The following RETSAT variants were observed in gnomAD, a reference collection of about 807,000 sequenced individuals.
RETSAT encodes the protein all-trans-retinol 13,14-reductase.
RETSAT carries 35 observed loss-of-function variants against 61.6 expected under a neutral mutation model. The ratio of observed to expected loss-of-function variants is 0.57; its 90% CI spans 0.43 to 0.75. The LOEUF (loss-of-function observed/expected upper bound fraction) is 0.75. RETSAT is among the 30% of genes least tolerant of loss of function. RETSAT has a pLI of 0.00. For missense variants in RETSAT, 670 were observed against 759.5 expected, an observed-to-expected ratio of 0.88 and a Z score of 1.38; for synonymous variants, 277 against 310.4, an observed-to-expected ratio of 0.89 and a Z score of 1.13.
intron 6 of RETSAT, chr2:85,345,728 T>C (rs1374547930): frequency 3.2e-6 from 2 of 621,892 alleles, no homozygotes; most frequent in Non-Finnish European, 5.9e-6. Context: ...CCAGCTACTC[T>C]GCTCAGCCCT....
At chr2:85,346,166 A>T (rs562876466) in intron 5 of RETSAT, 72 bp from the exon 6 acceptor site, 2 of 1,555,228 alleles carry the variant, frequency 1.3e-6, no homozygotes, top group Non-Finnish European at 1.7e-6. Context: ...GCCCCCATGG[A>T]TCTCTCTCTG....
chr2:85,343,345 AG>A lies in RETSAT; in HGVS notation c.1729del (p.Leu577CysfsTer12), dbSNP rs769675832. 139 of 1,614,092 alleles carry A rather than the reference AG, an allele frequency of 8.6e-5. No homozygotes were observed. The highest frequency in any genetic ancestry group is 1.1e-4 in the Non-Finnish European group (134 of 1,180,044). On this transcript the variant is annotated frameshift_variant, in exon 11 of 11. Coordinates refer to ENST00000295802, the MANE Select transcript of RETSAT (RefSeq NM_017750.4). LOFTEE classifies it high-confidence loss of function. Reference protein sequence around the residue: ...DIFTCGLVGALQGALLCSSAI... With the variant: ...DIFTCGLVGAXQGALLCSSAI... ...GCTGCTGCACAGCAGGGCACCTTGC[AG>A]GGCCCCGACCAGTCCACAGGTGAAG...
intron 5 of RETSAT, among the ~76,000 whole-genome samples, chr2:85,348,166 C>T (rs558176187): frequency 1.3e-4 from 20 of 152,250 alleles, no homozygotes; most frequent in East Asian, 9.6e-4. Context: ...AGGGTAATAA[C>T]GTTCTGGGCC....
Position 85,345,964 on chromosome 2 carries a change from C to T in RETSAT, c.1117+11G>A, listed in dbSNP as rs753609671. The stretch of plus-strand genomic sequence containing the variant: ...AACCTGCAAGAGGGGCAGTGCAGAC[C>T]CGCCTTTTACCTGGCAGGCAGCGGG... On this transcript the variant is annotated intron_variant, in intron 6 of 10. Coordinates refer to ENST00000295802, the MANE Select transcript of RETSAT (RefSeq NM_017750.4). 1.2e-6 allele frequency: 2 copies of T among 1,614,164 alleles called. No homozygotes were observed. Among genetic ancestry groups the T allele is most frequent in the South Asian group, 1.1e-5 (1 of 91,088 alleles).
chr2:85,354,444 A>T lies in RETSAT; in HGVS notation c.64T>A (p.Leu22Met). The T allele has an allele frequency of 6.2e-7, 1 of 1,614,208 alleles. No homozygotes were observed. The highest frequency in any genetic ancestry group is 8.5e-7 in the Non-Finnish European group (1 of 1,180,030). Residue 22 changes from leucine (L) to methionine (M), a missense_variant, in exon 1 of 11, where the codon TTG becomes ATG. Transcript: ENST00000295802. ...LLLAVLCKVY[L>M]GLFSGSSPNP... is the part of the protein sequence containing the mutation. ...GGGGAGCTGCCAGAGAATAGTCCCA[A>T]GTAAACTTTGCAGAGGACGGCCAGC...
chr2:85,342,150 A>T lies in RETSAT; in HGVS notation c.*1092T>A. Reference sequence around the variant, plus strand: ...AATGTTACATTAACACGAACTACAAAGAGACCTTTCGTATGTCTGATACCA... The same window carrying T: ...AATGTTACATTAACACGAACTACAATGAGACCTTTCGTATGTCTGATACCA... On this transcript the variant is annotated 3_prime_UTR_variant, in exon 11 of 11. Coordinates refer to ENST00000295802, the MANE Select transcript of RETSAT (RefSeq NM_017750.4). 4.1e-6 allele frequency: 1 copy of T among 245,306 alleles called. No individual in the cohort carries two copies. Among genetic ancestry groups the T allele is most frequent in the Non-Finnish European group, 7.9e-6 (1 of 127,264 alleles). The allele number at this position is 245,306 out of a possible 1,614,324, so 15.2% of individuals were successfully genotyped here. A position where few individuals can be genotyped will look rare whatever the true frequency, so the allele number is the denominator to read the frequency against.
chr2:85,351,415 A>T, intron 2 of RETSAT: 1 of 457,700 alleles, frequency 2.2e-6, no homozygotes, highest in Non-Finnish European at 3.9e-6. Flanking sequence ...GGGATTACTG[A>T]GTGTAATCCC....
chr2:85,346,259 G>A (rs908305), intron 5 of RETSAT, among the ~76,000 whole-genome samples, 165 bp from the exon 6 acceptor site: 5,097 of 152,236 alleles, frequency 0.033, 227 homozygotes, highest in African/African-American at 0.1. Context: ...CAGTGAGTGA[G>A]TATCTTCAGG....
At position 85,350,806 on chromosome 2, in the gene RETSAT, T is replaced by TG. The variant is rs745679127; in HGVS notation, c.570dup (p.Ile191HisfsTer2). ...TTAACCAGCTTTATATACTTGTCAA[T>TG]GATAGCTTCCTCCTGTGGAAACTTC... On this transcript the variant is annotated frameshift_variant, in exon 3 of 11. Transcript: ENST00000295802. LOFTEE classifies it high-confidence loss of function. 3 of 1,614,228 alleles carry TG rather than the reference T, an allele frequency of 1.9e-6. No homozygotes were observed. In the South Asian group the frequency reaches 3.3e-5, roughly 18 times the overall value.
chr2:85,354,189 C>T (rs1683381716), intron 1 of RETSAT, 147 bp downstream of exon 1: 1 of 842,402 alleles, frequency 1.2e-6, no homozygotes. Context: ...AAGCGGGGCT[C>T]CTCCACGTGC....
intron 1 of RETSAT, 134 bp downstream of exon 1, chr2:85,354,202 G>T: frequency 2.1e-6 from 2 of 956,478 alleles, no homozygotes; most frequent in Non-Finnish European, 3.2e-6. Context: ...CCACGTGCAA[G>T]GAAGCCCTCC....
At chr2:85,347,230 G>C (rs1683217548) in intron 5 of RETSAT, among the ~76,000 whole-genome samples, 1 of 151,990 alleles carries the variant, frequency 6.6e-6, no homozygotes, top group African/African-American at 2.4e-5. Flanking sequence ...GCAAGTAAAT[G>C]AATGCTTTTT....
At position 85,349,517 on chromosome 2, in the gene RETSAT, T is replaced by C. The variant is rs1453323722; in HGVS notation, c.864A>G (p.Gly288=). ...TGGAACCCCCTCGGGGATAAAAGCC[T>C]CCTTTCATGTAGTGGTTGACCAGCA... ...HALLVNHYMK[G]GFYPRGGSSE... is the part of the protein sequence containing the mutation. The change falls in exon 5 of 11, where the codon GGA becomes GGG. Residue 288 remains glycine (G), a synonymous_variant. Coordinates refer to ENST00000295802, the MANE Select transcript of RETSAT (RefSeq NM_017750.4). 6.2e-7 allele frequency: 1 copy of C among 1,614,156 alleles called. No individual in the cohort carries two copies. The highest frequency in any genetic ancestry group is 1.7e-5 in the Admixed American group (1 of 60,028).
At chr2:85,351,308 T>A (rs1273810236) in intron 2 of RETSAT, 1 of 477,378 alleles carries the variant, frequency 2.1e-6, no homozygotes, top group Non-Finnish European at 3.8e-6. Flanking sequence ...GGTGGATCAC[T>A]TGAGGTCAGG....
At chr2:85,348,630 CAAAAAAAAAA>C (rs11400450) in intron 5 of RETSAT, among the ~76,000 whole-genome samples, 3 of 43,928 alleles carry the variant, frequency 6.8e-5, no homozygotes, top group Admixed American at 2.5e-4. Context: ...GACTCCAACT[CAAAAAAAAAA>C]AAAAAAAAAA....
intron 1 of RETSAT, 34 bp downstream of exon 1, chr2:85,354,302 G>A (rs774367061): frequency 1.2e-6 from 2 of 1,612,020 alleles, no homozygotes; most frequent in East Asian, 2.2e-5. Context: ...AAAGCCTCGA[G>A]TGCAGCCCCG....
rs1359413753 is a variant in RETSAT, at chr2:85,343,917, G to A, written c.1533+82C>T. The stretch of plus-strand genomic sequence containing the variant: ...TGTCCTTCCCTGGGGCTCATGTCTT[G>A]GGGCCTGATTCCCCTGTCTCAAGGA... On this transcript the variant is annotated intron_variant, in intron 9 of 10. Transcript: ENST00000295802. 7 of 1,587,602 alleles carry A rather than the reference G, an allele frequency of 4.4e-6. No homozygotes were observed. The Admixed American group carries it at 1.2e-4, about 27-fold the overall frequency.
At chr2:85,349,301 C>T in intron 5 of RETSAT, 83 bp downstream of exon 5, 1 of 1,366,488 alleles carries the variant, frequency 7.3e-7, no homozygotes, top group Non-Finnish European at 1.0e-6. Context: ...AGTTCTCCTA[C>T]TCCTTCTGGT....
chr2:85,343,919 G>A, intron 9 of RETSAT, 80 bp downstream of exon 9: 1 of 1,588,732 alleles, frequency 6.3e-7, no homozygotes, highest in Non-Finnish European at 8.6e-7. Context: ...CATGTCTTGG[G>A]GCCTGATTCC....
Sources: allele counts gnomAD v4.1 joint callset (sites outside exome capture counted in the v4.1 genomes callset), GRCh38; gene constraint gnomAD v4.1.1; transcripts MANE v1.5; gene names NCBI Gene and HGNC (gene_info 2026-07-23, HGNC 2026-07-21).